The following TDRD9 variants were observed in gnomAD, a reference collection of about 807,000 sequenced individuals.
TDRD9 encodes tudor domain containing 9, also known as ATP-dependent RNA helicase TDRD9.
A neutral mutation model predicts 172.6 loss-of-function variants in TDRD9; 124 were observed. The ratio of observed to expected loss-of-function variants is 0.72; its 90% confidence interval spans 0.62 to 0.83. The LOEUF (loss-of-function observed/expected upper bound fraction) is 0.83. TDRD9 is among the 40% of genes least tolerant of loss of function. The probability of loss-of-function intolerance (pLI) is 0.00; values close to 1 mark genes in which losing one functional copy is unlikely to be tolerated. For synonymous variants in TDRD9, 619 were observed against 617.1 expected, an observed-to-expected ratio of 1.00 and a Z score of -0.05; for missense variants, 1,479 against 1,714.1, an observed-to-expected ratio of 0.86 and a Z score of 2.42.
At chr14:103,998,161 T>TGGGGGGGGGGGGGG (rs1566770124) in intron 12 of TDRD9, among the ~76,000 whole-genome samples, 1 of 136,158 alleles carries the variant, frequency 7.3e-6, no homozygotes. Flanking sequence ...TGCACACTTC[T>TGGGGGGGGGGGGGG]ACCCACCCAC....
intron 21 of TDRD9, 106 bp from the exon 22 acceptor site, chr14:104,015,874 CT>C: frequency 1.3e-6 from 1 of 749,300 alleles, no homozygotes; most frequent in Non-Finnish European, 2.1e-6. Flanking sequence ...CGATAACCAT[CT>C]TTTACATTTA....
At chr14:103,934,306 C>T (rs1310591155) in intron 1 of TDRD9, among the ~76,000 whole-genome samples, 1 of 152,232 alleles carries the variant, frequency 6.6e-6, no homozygotes. Context: ...AGCCACTGCC[C>T]TGGCCAAAGT....
At chr14:103,946,027 A>G (rs2031539601) in intron 1 of TDRD9, among the ~76,000 whole-genome samples, 1 of 151,584 alleles carries the variant, frequency 6.6e-6, no homozygotes, top group Admixed American at 6.6e-5. Flanking sequence ...GTACAGTGGC[A>G]TGGTCATAGC....
chr14:103,975,615 A>T, intron 7 of TDRD9, 62 bp downstream of exon 7: 1 of 1,471,038 alleles, frequency 6.8e-7, no homozygotes, highest in African/African-American at 1.4e-5. Context: ...TCAAACCTGC[A>T]TTCATCACCT....
intron 6 of TDRD9, among the ~76,000 whole-genome samples, chr14:103,972,167 C>T (rs916756948): frequency 4.0e-4 from 60 of 151,142 alleles, no homozygotes; most frequent in African/African-American, 8.0e-4. Flanking sequence ...ATTAGCCGGG[C>T]GTGGTGGCGG....
At chr14:104,043,577 C>A (rs1251864640) in intron 34 of TDRD9, among the ~76,000 whole-genome samples, 1 of 152,106 alleles carries the variant, frequency 6.6e-6, no homozygotes, top group African/African-American at 2.4e-5. Flanking sequence ...AGTTTAAGTA[C>A]ACAGGTATAT....
intron 7 of TDRD9, among the ~76,000 whole-genome samples, chr14:103,984,264 T>A (rs536886785): frequency 6.6e-6 from 1 of 152,306 alleles, no homozygotes; most frequent in East Asian, 1.9e-4. Context: ...TAAATGTTAA[T>A]CTCCAAGACA....
At chr14:103,966,497 T>C (rs2032752896) in intron 4 of TDRD9, among the ~76,000 whole-genome samples, 1 of 152,172 alleles carries the variant, frequency 6.6e-6, no homozygotes, top group South Asian at 2.1e-4. Flanking sequence ...AAAAATGTTA[T>C]AGCAGTGTGA....
rs1184982134 is a variant in TDRD9, at chr14:103,997,215, G to A, written c.1378+1408G>A. 6.6e-6 allele frequency among the ~76,000 whole-genome samples: 1 copy of A among 152,234 alleles called. No individual in the cohort carries two copies. Reference sequence around the variant, plus strand: ...CTAGAATGAGGCAAAGGAGAGAAAAGGAAGAGACTTAGGAGGGTGTCACAA... The same window carrying A: ...CTAGAATGAGGCAAAGGAGAGAAAAAGAAGAGACTTAGGAGGGTGTCACAA... On this transcript the variant is annotated intron_variant, in intron 12 of 35. Coordinates refer to ENST00000409874, the MANE Select transcript of TDRD9 (RefSeq NM_153046.3). The surrounding 1 kb of genome is among the most constrained non-coding windows in gnomAD (Gnocchi z 5.1).
chr14:103,966,663 T>G (rs772584497), intron 4 of TDRD9, 46 bp from the exon 5 acceptor site: 354 of 1,441,108 alleles, frequency 2.5e-4, no homozygotes, highest in Non-Finnish European at 3.2e-4. Flanking sequence ...TGGACATAAC[T>G]TTTTTTTTCT....
chr14:104,049,642 G>A lies in TDRD9; in HGVS notation c.4009G>A (p.Val1337Ile), dbSNP rs1384492809. Residue 1337 changes from valine to isoleucine, a missense_variant, in exon 35 of 36, where the codon GTT (valine) becomes ATT (isoleucine). Physicochemically the swap from Val to Ile is conservative, Grantham distance 29. Coordinates refer to ENST00000409874, the MANE Select transcript of TDRD9 (RefSeq NM_153046.3). The part of the protein sequence containing the change: ...FCQSKPREKI[V>I]PKWHEKPYEW... ...TCAGTCAAAACCAAGGGAGAAGATTGTTCCCAAGTGGCATGAAAAGCCCTA... is the reference window on the plus strand; with the variant it reads ...TCAGTCAAAACCAAGGGAGAAGATTATTCCCAAGTGGCATGAAAAGCCCTA... The A allele has an allele frequency of 1.9e-6, 3 of 1,588,296 alleles. No homozygotes were observed. The highest frequency in any genetic ancestry group is 1.8e-5 in the Admixed American group (1 of 56,614).
chr14:103,940,766 T>C lies in TDRD9; in HGVS notation c.215+12042T>C, dbSNP rs947461922. The C allele has an allele frequency of 4.5e-6, 6 of 1,345,704 alleles. No homozygotes were observed. In the East Asian group the frequency reaches 1.3e-4, roughly 28 times the overall value. 83.4% of individuals were successfully genotyped at this position (1,345,704 alleles called of 1,614,324 possible). A position where few individuals can be genotyped will look rare whatever the true frequency, so the allele number is the denominator to read the frequency against. On this transcript the variant is annotated intron_variant, in intron 1 of 35. Coordinates refer to ENST00000409874, the MANE Select transcript of TDRD9 (RefSeq NM_153046.3). ...TTTTTCTTATTCTTAATATTAGGAGTTCTAAGGTGTTCATAAAAACCCCTC... is the reference window on the plus strand; with the variant it reads ...TTTTTCTTATTCTTAATATTAGGAGCTCTAAGGTGTTCATAAAAACCCCTC...
intron 24 of TDRD9, among the ~76,000 whole-genome samples, chr14:104,023,879 A>G (rs1261804870): frequency 6.6e-6 from 1 of 152,176 alleles, no homozygotes; most frequent in Non-Finnish European, 1.5e-5. Context: ...GACTCCACTT[A>G]CTTTTGTAAT....
At chr14:103,959,536 C>T (rs1303112925) in intron 2 of TDRD9, among the ~76,000 whole-genome samples, 1 of 149,828 alleles carries the variant, frequency 6.7e-6, no homozygotes, top group African/African-American at 2.5e-5. Flanking sequence ...ATGTCTATTT[C>T]TATTAAAACC....
intron 35 of TDRD9, 68 bp downstream of exon 35, chr14:104,049,748 C>T: frequency 7.2e-7 from 1 of 1,389,928 alleles, no homozygotes; most frequent in Non-Finnish European, 9.9e-7. Flanking sequence ...CTGGGCAGAC[C>T]CAGGGTTCAG....
chr14:103,934,396 G>A (rs1202187170), intron 1 of TDRD9, among the ~76,000 whole-genome samples: 2 of 152,196 alleles, frequency 1.3e-5, no homozygotes, highest in African/African-American at 2.4e-5. Flanking sequence ...AAGTGCTGGT[G>A]CATGTTCTCT....
chr14:104,048,187 C>T (rs1033547319), intron 34 of TDRD9, among the ~76,000 whole-genome samples: 19 of 152,118 alleles, frequency 1.2e-4, no homozygotes, highest in African/African-American at 4.6e-4. Context: ...GTAAGTCCAT[C>T]CCCTGTGATG....
chr14:103,931,976 C>G (rs934554373), intron 1 of TDRD9, among the ~76,000 whole-genome samples: 2 of 152,136 alleles, frequency 1.3e-5, no homozygotes, highest in African/African-American at 4.8e-5. Context: ...GTACCTCAGT[C>G]CTACAATTGC....
At chr14:104,008,384 T>C (rs771295794) in intron 19 of TDRD9, 29 bp from the exon 20 acceptor site, 2 of 1,246,876 alleles carry the variant, frequency 1.6e-6, no homozygotes, top group South Asian at 2.5e-5. Flanking sequence ...TACCTTAATA[T>C]TGAGTATTCT....
Sources: gnomAD v4.1 joint callset for allele counts (sites outside exome capture counted in the v4.1 genomes callset) on GRCh38, gnomAD v4.1.1 for gene constraint, Gnocchi (gnomAD v3.1) non-coding constraint, MANE v1.5 for transcripts, NCBI Gene and HGNC (gene_info 2026-07-23, HGNC 2026-07-21) for gene names.